The following OR2C1 variants were observed in gnomAD, a reference collection of about 807,000 sequenced individuals.
The protein encoded by OR2C1 is olfactory receptor family 2 subfamily C member 1, also known as olfactory receptor 2C1.
For missense variants in OR2C1, 468 were observed against 388.3 expected, an observed-to-expected ratio of 1.21 and a Z score of -1.73; for synonymous variants, 209 against 167.3, an observed-to-expected ratio of 1.25 and a Z score of -1.92.
chr16:3,344,672 A>T, the OR2C1 span, among the ~76,000 whole-genome samples: 23 of 152,142 alleles, frequency 1.5e-4, 1 homozygote, highest in Non-Finnish European at 3.1e-4. Context: ...GGTTGCAGTG[A>T]GCCGAGATCG....
At chr16:3,336,708 C>CTTTTTTTTTTTTTTTTTTTTT in the OR2C1 span, among the ~76,000 whole-genome samples, 1 of 93,768 alleles carries the variant, frequency 1.1e-5, no homozygotes, top group Non-Finnish European at 1.9e-5. Flanking sequence ...TTCTTTCTTT[C>CTTTTTTTTTTTTTTTTTTTTT]TTTCTTTTTT....
At chr16:3,332,855 C>T in the OR2C1 span, among the ~76,000 whole-genome samples, 32 of 152,020 alleles carry the variant, frequency 2.1e-4, no homozygotes, top group Admixed American at 2.0e-3. Context: ...TCAGATATCT[C>T]TTCAATATAT....
chr16:3,336,819 C>A, the OR2C1 span, among the ~76,000 whole-genome samples: 2 of 146,812 alleles, frequency 1.4e-5, no homozygotes, highest in African/African-American at 2.5e-5. Context: ...AGCGATTCTT[C>A]TTCTTCAGCC....
chr16:3,345,840 C>A, the OR2C1 span, among the ~76,000 whole-genome samples: 3 of 85,006 alleles, frequency 3.5e-5, no homozygotes, highest in African/African-American at 8.1e-5. Flanking sequence ...TCCCTCCTTC[C>A]TTCCTCCCTC....
chr16:3,323,608 G>T, the OR2C1 span: 1,124 of 742,284 alleles, frequency 1.5e-3, 15 homozygotes, highest in African/African-American at 0.016. Context: ...GTCTTGCAAT[G>T]GCTGTCTGCA....
At chr16:3,326,043 G>A in the OR2C1 span, among the ~76,000 whole-genome samples, 1 of 150,804 alleles carries the variant, frequency 6.6e-6, no homozygotes, top group African/African-American at 2.4e-5. Flanking sequence ...CAATTCTCCT[G>A]CCTCAGTCTC....
the OR2C1 span, among the ~76,000 whole-genome samples, chr16:3,340,447 A>C: frequency 2.0e-5 from 3 of 152,144 alleles, no homozygotes; most frequent in African/African-American, 7.2e-5. Flanking sequence ...CCTATGATAC[A>C]CAATGGTTTT....
upstream of OR2C1, among the ~76,000 whole-genome samples, chr16:3,353,273 C>T (rs981060440): frequency 1.3e-5 from 2 of 151,308 alleles, no homozygotes; most frequent in Non-Finnish European, 1.5e-5. Context: ...GGGCAGATCA[C>T]GAGGTCAAGA....
chr16:3,325,872 G>A, the OR2C1 span, among the ~76,000 whole-genome samples: 1 of 151,456 alleles, frequency 6.6e-6, no homozygotes, highest in Non-Finnish European at 1.5e-5. Context: ...GAGTATTAGT[G>A]ATGGAGATTA....
At chr16:3,334,369 C>T in the OR2C1 span, among the ~76,000 whole-genome samples, 13 of 151,414 alleles carry the variant, frequency 8.6e-5, no homozygotes, top group African/African-American at 3.1e-4. Flanking sequence ...ATCTCTTGAC[C>T]TTGTGATCCG....
the OR2C1 span, among the ~76,000 whole-genome samples, chr16:3,332,934 G>A: frequency 2.0e-5 from 3 of 151,834 alleles, no homozygotes; most frequent in Non-Finnish European, 2.9e-5. Context: ...TCTATTTTTA[G>A]TTTTTTTGAG....
At chr16:3,333,862 T>A in the OR2C1 span, among the ~76,000 whole-genome samples, 1 of 152,176 alleles carries the variant, frequency 6.6e-6, no homozygotes, top group African/African-American at 2.4e-5. Context: ...CATTTTGAGT[T>A]GATTTTTGTA....
chr16:3,331,697 T>G, the OR2C1 span, among the ~76,000 whole-genome samples: 10 of 152,132 alleles, frequency 6.6e-5, no homozygotes, highest in African/African-American at 2.4e-4. Context: ...CAGATAGTTG[T>G]AGATTTGACC....
chr16:3,337,919 T>G, the OR2C1 span, among the ~76,000 whole-genome samples: 2 of 152,226 alleles, frequency 1.3e-5, no homozygotes, highest in African/African-American at 4.8e-5. Flanking sequence ...TTGTAATTTA[T>G]CTGTTGAATT....
chr16:3,354,144 C>T (rs527249700), upstream of OR2C1, among the ~76,000 whole-genome samples: 107 of 152,028 alleles, frequency 7.0e-4, no homozygotes, highest in African/African-American at 2.3e-3. Flanking sequence ...CCACCATGCC[C>T]GACAAATTTT....
At chr16:3,323,767 T>C in the OR2C1 span, 1 of 707,848 alleles carries the variant, frequency 1.4e-6, no homozygotes, top group South Asian at 1.6e-5. Flanking sequence ...GTAGGAATGA[T>C]TCCAGTCCCT....
chr16:3,330,041 C>A, the OR2C1 span, among the ~76,000 whole-genome samples: 9,871 of 152,058 alleles, frequency 0.065, 498 homozygotes, highest in East Asian at 0.3. Flanking sequence ...GCATGAGCCA[C>A]CGCGCCTGGC....
At chr16:3,341,119 C>G in the OR2C1 span, among the ~76,000 whole-genome samples, 1 of 151,998 alleles carries the variant, frequency 6.6e-6, no homozygotes, top group African/African-American at 2.4e-5. Context: ...TTATGTTTTT[C>G]TTTCAGCAGT....
Position 3,356,497 on chromosome 16 carries a change from A to G in OR2C1, c.557A>G (p.Lys186Arg). 1 of 1,614,136 alleles carries G rather than the reference A, an allele frequency of 6.2e-7. No homozygotes were observed. Among genetic ancestry groups the G allele is most frequent in the Non-Finnish European group, 8.5e-7 (1 of 1,180,034 alleles). Residue 186 changes from lysine to arginine, a missense_variant, in exon 1 of 1, where the codon AAA becomes AGA. By Grantham distance (26) the Lys-to-Arg change is conservative (BLOSUM62 2). Coordinates refer to ENST00000304936, the MANE Select transcript of OR2C1 (RefSeq NM_012368.3). ...GFLCEVPAMI[K>R]LACGDTSLNQ... is the part of the protein sequence containing the mutation. Reference sequence around the variant, plus strand: ...CTCTGCGAGGTGCCTGCCATGATCAAACTGGCCTGTGGCGACACAAGTCTC... The same window carrying G: ...CTCTGCGAGGTGCCTGCCATGATCAGACTGGCCTGTGGCGACACAAGTCTC...
Sources: gnomAD v4.1 joint callset for allele counts (sites outside exome capture counted in the v4.1 genomes callset) on GRCh38, gnomAD v4.1.1 for gene constraint, MANE v1.5 for transcripts, NCBI Gene and HGNC (gene_info 2026-07-23, HGNC 2026-07-21) for gene names.